The following C6 variants were observed in gnomAD, a reference collection of about 807,000 sequenced individuals.
C6 encodes complement component C6.
A neutral mutation model predicts 112.9 loss-of-function variants in C6; 101 were observed. The observed-to-expected ratio is 0.89, with a 90% CI of 0.76 to 1.06. The LOEUF (loss-of-function observed/expected upper bound fraction) is 1.06. C6 is among the 50% of genes least tolerant of loss of function. C6 has a pLI of 0.00. For synonymous variants in C6, 431 were observed against 384.1 expected, an observed-to-expected ratio of 1.12 and a Z score of -1.43; for missense variants, 1,202 against 1,104.6, an observed-to-expected ratio of 1.09 and a Z score of -1.25.
Position 41,184,545 on chromosome 5 carries a change from C to T in C6, c.726+1525G>A, listed in dbSNP as rs576051232. On this transcript the variant is annotated intron_variant, in intron 6 of 17. Coordinates refer to ENST00000337836, the MANE Select transcript of C6 (RefSeq NM_000065.5). ...GGAGTGCAGTGGCGTGATCTCGGCT[C>T]ACTGCAGCCTCTACCTCCTGGGTTC... is the stretch of plus-strand genomic sequence containing the variant. Among the ~76,000 whole-genome samples the T allele has an allele frequency of 2.6e-5, 4 of 152,000 alleles. No individual in the cohort carries two copies. The East Asian group carries it at 7.7e-4, about 29-fold the overall frequency.
At chr5:41,248,388 T>C (rs1483315130) in intron 1 of C6, among the ~76,000 whole-genome samples, 1 of 152,040 alleles carries the variant, frequency 6.6e-6, no homozygotes, top group African/African-American at 2.4e-5. Context: ...AACCAGATAA[T>C]CTACAGAATG....
At chr5:41,236,875 T>TA (rs1220020809) in intron 1 of C6, among the ~76,000 whole-genome samples, 1 of 135,954 alleles carries the variant, frequency 7.4e-6, no homozygotes, top group Non-Finnish European at 1.6e-5. Context: ...ATAGACACAA[T>TA]AAAAAATGAT....
rs74342457 is a variant in C6 at position 41,203,995 on chromosome 5, G to A, written c.-20-745C>T. 1.5e-3 allele frequency among the ~76,000 whole-genome samples: 229 copies of A among 152,220 alleles called. 2 individuals are homozygous for A. The East Asian group carries it at 0.036, about 24-fold the overall frequency. ...CCACTCAGGCCACAACAGGTTGAGC[G>A]GAAAAATCTTTGACCAGTGGTTCCC... is the stretch of plus-strand genomic sequence containing the variant. On this transcript the variant is annotated intron_variant, in intron 1 of 17. Coordinates refer to ENST00000337836, the MANE Select transcript of C6 (RefSeq NM_000065.5).
Position 41,204,872 on chromosome 5 carries a change from C to T in C6, c.-20-1622G>A, listed in dbSNP as rs113261411. Among the ~76,000 whole-genome samples the T allele has an allele frequency of 8.4e-3, 1,273 of 151,794 alleles. 20 individuals are homozygous for T. The highest frequency in any genetic ancestry group is 0.029 in the African/African-American group (1,193 of 41,426). On this transcript the variant is annotated intron_variant, in intron 1 of 17. Coordinates refer to ENST00000337836, the MANE Select transcript of C6 (RefSeq NM_000065.5). ...TTTTAGTAGAGACGGGGTTTCACTG[C>T]GTTAGCCAGGGTGGTCTCGATCTCC...
At chr5:41,146,976 T>TAAATAAA (rs1183421569) in intron 17 of C6, among the ~76,000 whole-genome samples, 2 of 152,178 alleles carry the variant, frequency 1.3e-5, no homozygotes, top group East Asian at 3.9e-4. Context: ...TTCTCTATGA[T>TAAATAAA]AAATAAGGAA....
intron 1 of C6, among the ~76,000 whole-genome samples, chr5:41,255,683 T>C (rs776453862): frequency 2.0e-5 from 3 of 152,164 alleles, no homozygotes; most frequent in Admixed American, 6.5e-5. Context: ...GGGAAGACAA[T>C]GTTTCACAAC....
chr5:41,219,838 G>T (rs10071904), intron 1 of C6, among the ~76,000 whole-genome samples: 2 of 152,032 alleles, frequency 1.3e-5, no homozygotes, highest in South Asian at 2.1e-4. Flanking sequence ...CCAGGAGAAA[G>T]GTTGTCTCAG....
intron 5 of C6, among the ~76,000 whole-genome samples, chr5:41,193,041 T>A (rs984257868): frequency 6.6e-6 from 1 of 152,184 alleles, no homozygotes; most frequent in Non-Finnish European, 1.5e-5. Flanking sequence ...GGCATGCAAA[T>A]TACATCTCAA....
intron 1 of C6, among the ~76,000 whole-genome samples, chr5:41,231,076 G>A (rs186280601): frequency 7.9e-5 from 12 of 152,060 alleles, no homozygotes; most frequent in Admixed American, 7.9e-4. Context: ...CAATCTATGT[G>A]CATCTTTAAA....
chr5:41,161,232 A>G (rs1318133799), intron 10 of C6, among the ~76,000 whole-genome samples: 4 of 152,176 alleles, frequency 2.6e-5, no homozygotes, highest in Admixed American at 2.6e-4. Flanking sequence ...ATCACCTTTT[A>G]ATGTAATTAC....
chr5:41,170,246 T>C (rs1748311518), intron 9 of C6, among the ~76,000 whole-genome samples: 1 of 152,038 alleles, frequency 6.6e-6, no homozygotes, highest in Non-Finnish European at 1.5e-5. Flanking sequence ...TAAATGTTTT[T>C]CCATGTTGAG....
rs1032022596 is a variant in C6, at chr5:41,159,068, T to C, written c.1856+14A>G. On this transcript the variant is annotated intron_variant, in intron 12 of 17. Coordinates refer to ENST00000337836, the MANE Select transcript of C6 (RefSeq NM_000065.5). ...GGGCAAAATGACCCATTCTTTTCCC[T>C]TACCCGGCCTTACTTGTTTTCCATG... 2 of 1,613,468 alleles carry C rather than the reference T, an allele frequency of 1.2e-6. No individual in the cohort carries two copies. Among genetic ancestry groups the C allele is most frequent in the African/African-American group, 1.3e-5 (1 of 74,884 alleles).
intron 17 of C6, among the ~76,000 whole-genome samples, chr5:41,145,135 T>G (rs1011051901): frequency 6.6e-6 from 1 of 152,208 alleles, no homozygotes; most frequent in African/African-American, 2.4e-5. Flanking sequence ...GTAATTATGT[T>G]TTAAGTCCTT....
At chr5:41,235,153 G>A (rs1157328848) in intron 1 of C6, among the ~76,000 whole-genome samples, 17 of 142,616 alleles carry the variant, frequency 1.2e-4, no homozygotes, top group Non-Finnish European at 2.4e-4. Context: ...GCATACATGT[G>A]CCATGCTGGT....
chr5:41,180,167 G>A (rs574197169), intron 7 of C6, among the ~76,000 whole-genome samples: 1 of 152,258 alleles, frequency 6.6e-6, no homozygotes, highest in African/African-American at 2.4e-5. Context: ...ATAAATGGTT[G>A]ACTAAATAAA....
intron 16 of C6, among the ~76,000 whole-genome samples, 159 bp downstream of exon 16, chr5:41,149,776 A>G (rs954668493): frequency 2.0e-5 from 3 of 152,300 alleles, no homozygotes; most frequent in African/African-American, 7.2e-5. Context: ...TTGCTACCCA[A>G]TGGGGAAGGA....
At chr5:41,210,210 A>G (rs1751786418) in intron 1 of C6, among the ~76,000 whole-genome samples, 1 of 152,252 alleles carries the variant, frequency 6.6e-6, no homozygotes, top group South Asian at 2.1e-4. Context: ...TTATACAAAA[A>G]TTAATTCAAG....
chr5:41,158,925 A>G, intron 12 of C6, 140 bp from the exon 13 acceptor site: 1 of 1,083,048 alleles, frequency 9.2e-7, no homozygotes. Context: ...AGAAAAAGGC[A>G]CGGCAGTAGA....
chr5:41,177,885 G>A (rs1251273636), intron 7 of C6, among the ~76,000 whole-genome samples: 1 of 152,124 alleles, frequency 6.6e-6, no homozygotes, highest in African/African-American at 2.4e-5. Flanking sequence ...CTATTTTTAA[G>A]TTTAATACTT....
Sources: gnomAD v4.1 joint callset for allele counts (sites outside exome capture counted in the v4.1 genomes callset) on GRCh38, gnomAD v4.1.1 for gene constraint, MANE v1.5 for transcripts, NCBI Gene and HGNC (gene_info 2026-07-23, HGNC 2026-07-21) for gene names.